The following DNAH12 variants were observed in gnomAD, a reference collection of about 807,000 sequenced individuals.
DNAH12 encodes dynein axonemal heavy chain 12.
In DNAH12, 285 loss-of-function variants were observed where a neutral mutation model predicts 371.5. That is an observed-to-expected ratio of 0.77 (90% CI 0.70 to 0.85). The LOEUF is 0.85. Ranked by LOEUF, DNAH12 falls within the 40% of genes least tolerant of loss-of-function variation. The probability of loss-of-function intolerance (pLI) is 0.00; values close to 1 mark genes in which losing one functional copy is unlikely to be tolerated. For synonymous variants in DNAH12, 1,200 were observed against 1,213.0 expected (o/e 0.99, Z 0.22); for missense variants, 3,611 against 3,689.4 (o/e 0.98, Z 0.55).
intron 62 of DNAH12, among the ~76,000 whole-genome samples, chr3:57,329,178 C>G (rs2062028006): frequency 6.9e-6 from 1 of 144,810 alleles, no homozygotes; most frequent in South Asian, 2.2e-4. Flanking sequence ...ATCAAGCTAC[C>G]AATGCCTTTC....
At chr3:57,499,647 A>AAATAT (rs1451248906) in intron 11 of DNAH12, among the ~76,000 whole-genome samples, 7 of 17,956 alleles carry the variant, frequency 3.9e-4, no homozygotes, top group Non-Finnish European at 6.0e-4. Flanking sequence ...AAAAAAAAAA[A>AAATAT]ATATATATAT....
intron 29 of DNAH12, among the ~76,000 whole-genome samples, chr3:57,439,213 A>G (rs1001868490): frequency 1.3e-5 from 2 of 152,182 alleles, no homozygotes; most frequent in African/African-American, 4.8e-5. Flanking sequence ...TTATTCTAAA[A>G]TTCAGATGGA....
At position 57,502,425 on chromosome 3, in the gene DNAH12, CA is replaced by C. The variant is rs1465549658; in HGVS notation, c.1140del (p.Asp381ThrfsTer16). 1.2e-6 allele frequency: 2 copies of C among 1,614,160 alleles called. No individual in the cohort carries two copies. Among genetic ancestry groups the C allele is most frequent in the East Asian group, 4.5e-5 (2 of 44,878 alleles). ...AACACGTGTTCAGGAAGTTCTGTGT[CA>C]AGATTTACTGGTGTTGAAGTTCCTG... ...WLSGTSTPVN[L>X]DTELPEHVLH... is the part of the protein sequence containing the mutation. On this transcript the variant is annotated frameshift_variant, in exon 10 of 74. Coordinates refer to ENST00000495027, the MANE Select transcript of DNAH12 (RefSeq NM_001366028.2). LOFTEE classifies it high-confidence loss of function.
Position 57,404,962 on chromosome 3 carries a change from T to C in DNAH12, c.6755+7A>G, listed in dbSNP as rs782707872. The C allele has an allele frequency of 8.6e-6, 13 of 1,509,680 alleles. No homozygotes were observed. The highest frequency in any genetic ancestry group is 1.4e-5 in the African/African-American group (1 of 70,168). 93.5% of individuals were successfully genotyped at this position (1,509,680 alleles called of 1,614,324 possible). ...CAATTTCAAGCATCAACACCATATA[T>C]AGGTACCTAAAAATGACAAGATTCA... On this transcript the variant is annotated splice_region_variant and intron_variant, in intron 42 of 73. Transcript: ENST00000495027.
At chr3:57,451,568 G>A (rs989576749) in intron 25 of DNAH12, among the ~76,000 whole-genome samples, 45 of 152,216 alleles carry the variant, frequency 3.0e-4, no homozygotes, top group African/African-American at 1.1e-3. Flanking sequence ...GAGCCCAGGT[G>A]GCAGAGGTTG....
chr3:57,467,106 A>T (rs889079705), intron 17 of DNAH12, among the ~76,000 whole-genome samples: 2 of 152,022 alleles, frequency 1.3e-5, no homozygotes, highest in Non-Finnish European at 2.9e-5. Context: ...CTTGATGATG[A>T]GAATAGCTCT....
chr3:57,509,476 A>G (rs1284387257), intron 5 of DNAH12, among the ~76,000 whole-genome samples: 1 of 152,168 alleles, frequency 6.6e-6, no homozygotes, highest in African/African-American at 2.4e-5. Flanking sequence ...ACTTAAAAAA[A>G]TGCATTTCAT....
intron 43 of DNAH12, among the ~76,000 whole-genome samples, chr3:57,401,996 ATCTG>A (rs1343363350): frequency 3.9e-5 from 6 of 152,248 alleles, no homozygotes; most frequent in Non-Finnish European, 5.9e-5. Context: ...CTAATACTGT[ATCTG>A]TCTAATTTCA....
intron 29 of DNAH12, among the ~76,000 whole-genome samples, chr3:57,443,035 T>C (rs569842707): frequency 6.6e-6 from 1 of 152,362 alleles, no homozygotes; most frequent in Admixed American, 6.5e-5. Context: ...AACAAGTTAC[T>C]TTCAGCCACA....
chr3:57,446,646 G>T lies in DNAH12; in HGVS notation c.3830C>A (p.Pro1277Gln). The change falls in exon 26 of 74, where the codon CCA becomes CAA. Residue 1277 changes from proline to glutamine, a missense_variant. Around this residue, in one of 3 missense-constraint regions of DNAH12, gnomAD observed 2,266 missense variants for 2,236.9 expected, o/e 1.01. Transcript: ENST00000495027. The stretch of plus-strand genomic sequence containing the variant: ...GGTTTCGGTTTTTCCTGTGCCTGCT[G>T]GCCCCTCTGGAGCACCTCCAAGGTT... ...YLNLGGAPEG[P>Q]AGTGKTETTK... 1 of 1,548,686 alleles carries T rather than the reference G, an allele frequency of 6.5e-7. No homozygotes were observed.
intron 17 of DNAH12, among the ~76,000 whole-genome samples, chr3:57,464,939 A>G (rs557484517): frequency 6.6e-6 from 1 of 152,232 alleles, no homozygotes; most frequent in South Asian, 2.1e-4. Flanking sequence ...AATAGCTCCT[A>G]TATCTATTAA....
intron 59 of DNAH12, among the ~76,000 whole-genome samples, chr3:57,354,560 AAG>A (rs1415814707): frequency 1.3e-5 from 2 of 151,778 alleles, no homozygotes; most frequent in African/African-American, 4.8e-5. Flanking sequence ...GAAAAAAAAA[AAG>A]AAAAAAAATC....
chr3:57,533,753 C>T (rs1398257427), intron 2 of DNAH12, among the ~76,000 whole-genome samples: 3 of 152,230 alleles, frequency 2.0e-5, no homozygotes, highest in Non-Finnish European at 4.4e-5. Flanking sequence ...TTGCTCTTCC[C>T]TTTCCTCTCT....
At chr3:57,470,393 A>T in intron 16 of DNAH12, 50 bp downstream of exon 16, 2 of 1,459,940 alleles carry the variant, frequency 1.4e-6, no homozygotes, top group Non-Finnish European at 1.8e-6. Context: ...TATATTTTAC[A>T]AATTATTTTC....
At chr3:57,536,626 C>T (rs1277385679) in intron 2 of DNAH12, among the ~76,000 whole-genome samples, 4 of 152,126 alleles carry the variant, frequency 2.6e-5, no homozygotes, top group Non-Finnish European at 5.9e-5. Flanking sequence ...GCCAGGCTTC[C>T]CTTCATCCAT....
Position 57,446,008 on chromosome 3 carries a change from A to C in DNAH12, c.4179+23T>G, listed in dbSNP as rs771396261. 141 of 1,438,784 alleles carry C rather than the reference A, an allele frequency of 9.8e-5. 2 individuals carry two copies. Among genetic ancestry groups the C allele is most frequent in the Non-Finnish European group, 1.2e-4 (130 of 1,092,544 alleles). The allele number at this position is 1,438,784 out of a possible 1,614,324, so 89.1% of individuals were successfully genotyped here. A position where few individuals can be genotyped will look rare whatever the true frequency, so the allele number is the denominator to read the frequency against. On this transcript the variant is annotated intron_variant, in intron 27 of 73. Transcript: ENST00000495027. ...TTCAAAAACATAAAATAAATAAATAAATAAATAAATAAATAATATTACCTT... is the reference window on the plus strand; with the variant it reads ...TTCAAAAACATAAAATAAATAAATACATAAATAAATAAATAATATTACCTT...
chr3:57,483,053 C>A (rs1232875120), intron 13 of DNAH12, among the ~76,000 whole-genome samples: 5 of 149,892 alleles, frequency 3.3e-5, no homozygotes, highest in African/African-American at 1.2e-4. Context: ...CACATGTACC[C>A]TAAAACTTAA....
intron 55 of DNAH12, among the ~76,000 whole-genome samples, chr3:57,371,231 C>A (rs2063163321): frequency 3.3e-5 from 5 of 151,972 alleles, no homozygotes. Flanking sequence ...CCAGTGGTTC[C>A]CCAACTGAAG....
At chr3:57,373,942 G>C (rs1352260444) in intron 55 of DNAH12, among the ~76,000 whole-genome samples, 1 of 152,120 alleles carries the variant, frequency 6.6e-6, no homozygotes, top group Non-Finnish European at 1.5e-5. Context: ...GAGTTGTTTT[G>C]AAGCTTCCAG....
Sources: gnomAD v4.1 joint callset for allele counts (sites outside exome capture counted in the v4.1 genomes callset) on GRCh38, gnomAD v4.1.1 for gene constraint, gnomAD v4.1.1 regional missense constraint, MANE v1.5 for transcripts, NCBI Gene and HGNC (gene_info 2026-07-23, HGNC 2026-07-21) for gene names.